The following GSK3B variants were observed in gnomAD, a reference collection of about 807,000 sequenced individuals.
The protein encoded by GSK3B is glycogen synthase kinase-3 beta.
In GSK3B, 15 loss-of-function variants were observed where a neutral mutation model predicts 56.4. The ratio of observed to expected loss-of-function variants is 0.27; its 90% CI spans 0.18 to 0.41. The LOEUF (loss-of-function observed/expected upper bound fraction) is 0.41, where lower values mean the gene tolerates loss of function less well. Ranked by LOEUF, GSK3B falls within the 10% of genes least tolerant of loss-of-function variation. The pLI is 1.00. For synonymous variants in GSK3B, 181 were observed against 188.9 expected (o/e 0.96, Z 0.34); for missense variants, 300 against 513.4 (o/e 0.58, Z 4.02).
At chr3:119,901,610 T>C (rs1243490467) in intron 7 of GSK3B, among the ~76,000 whole-genome samples, 1 of 152,180 alleles carries the variant, frequency 6.6e-6, no homozygotes, top group Non-Finnish European at 1.5e-5. Context: ...GGCATGGACA[T>C]CTGAGTCAAT....
chr3:120,087,919 G>GTCTC lies in GSK3B; in HGVS notation c.88+5424_88+5427dup, dbSNP rs1159612747. Among the ~76,000 whole-genome samples, 4 of 151,894 alleles carry GTCTC rather than the reference G, an allele frequency of 2.6e-5. No individual in the cohort carries two copies. The South Asian group carries it at 8.3e-4, about 31-fold the overall frequency. On this transcript the variant is annotated intron_variant, in intron 1 of 10. Transcript: ENST00000264235. The stretch of plus-strand genomic sequence containing the variant: ...TGTTTTGTTTTTTTTTTGAGACAGA[G>GTCTC]TCTCTCTCTGTCGCCCAGGCTGGAG...
intron 2 of GSK3B, among the ~76,000 whole-genome samples, chr3:119,954,197 C>G (rs1192907774): frequency 6.6e-6 from 1 of 150,526 alleles, no homozygotes. Context: ...ACCAGCCAAT[C>G]AGCACTGAGA....
At chr3:119,917,440 A>C (rs1279633351) in intron 4 of GSK3B, among the ~76,000 whole-genome samples, 1 of 152,168 alleles carries the variant, frequency 6.6e-6, no homozygotes, top group Non-Finnish European at 1.5e-5. Flanking sequence ...GTATCCATGT[A>C]ACATTTTTTA....
intron 9 of GSK3B, among the ~76,000 whole-genome samples, chr3:119,855,735 A>C (rs1213070983): frequency 6.6e-6 from 1 of 152,178 alleles, no homozygotes; most frequent in East Asian, 1.9e-4. Flanking sequence ...AAGGACAGAA[A>C]ACCAAACACT....
chr3:119,837,953 T>C (rs2055716653), intron 10 of GSK3B, among the ~76,000 whole-genome samples: 1 of 146,392 alleles, frequency 6.8e-6, no homozygotes, highest in Admixed American at 6.9e-5. Context: ...CATATATATA[T>C]ATATATATAT....
chr3:120,068,364 C>A (rs1365713488), intron 1 of GSK3B, among the ~76,000 whole-genome samples: 1 of 136,070 alleles, frequency 7.3e-6, no homozygotes, highest in East Asian at 2.2e-4. Context: ...GCACTCCAGC[C>A]TGGGCAACAG....
chr3:120,046,603 A>T (rs985375635), intron 1 of GSK3B, among the ~76,000 whole-genome samples: 8 of 152,008 alleles, frequency 5.3e-5, no homozygotes, highest in Admixed American at 2.6e-4. Context: ...ATTTTAATTT[A>T]ATTTTATTTA....
Position 119,872,069 on chromosome 3 carries a change from G to A in GSK3B, c.909+4344C>T, listed in dbSNP as rs903876956. On this transcript the variant is annotated intron_variant, in intron 8 of 10. Coordinates refer to ENST00000264235, the MANE Select transcript of GSK3B (RefSeq NM_001146156.2). ...AACAAGGTAGCAGGATCAGGCACTC[G>A]AAAGTGGGCGGGAAGGCACCTCATA... is the stretch of plus-strand genomic sequence containing the variant. Among the ~76,000 whole-genome samples the A allele has an allele frequency of 5.9e-5, 9 of 152,054 alleles. No individual in the cohort carries two copies. In the South Asian group the frequency reaches 8.3e-4, roughly 14 times the overall value.
At chr3:119,853,913 C>G (rs1403940395) in intron 9 of GSK3B, among the ~76,000 whole-genome samples, 1 of 152,118 alleles carries the variant, frequency 6.6e-6, no homozygotes, top group East Asian at 1.9e-4. Context: ...TCCTTTATTT[C>G]TTTCTCCTGC....
chr3:119,998,830 A>T (rs1173775918), intron 2 of GSK3B, among the ~76,000 whole-genome samples: 3 of 152,178 alleles, frequency 2.0e-5, no homozygotes, highest in Admixed American at 2.0e-4. Context: ...ATATAAAAAT[A>T]ATTTTTCACC....
In GSK3B at chr3:119,962,072, G is replaced by A. The variant is rs147481095; in HGVS notation, c.283-14721C>T. Among the ~76,000 whole-genome samples the A allele has an allele frequency of 1.8e-3, 271 of 152,258 alleles. 4 individuals are homozygous for A. The highest frequency in any genetic ancestry group is 6.6e-4 in the Non-Finnish European group (45 of 68,000). ...AACTTCATTTTAGGTCATGGAGCAT[G>A]TGTATATGAAAAGCCCATAACTGCT... On this transcript the variant is annotated intron_variant, in intron 2 of 10. Transcript: ENST00000264235.
intron 1 of GSK3B, among the ~76,000 whole-genome samples, chr3:120,031,555 A>G (rs1426119877): frequency 1.3e-5 from 2 of 152,184 alleles, no homozygotes; most frequent in Non-Finnish European, 2.9e-5. Context: ...TCACGTATTC[A>G]ACAAGGAAGT....
intron 7 of GSK3B, among the ~76,000 whole-genome samples, chr3:119,899,750 T>G (rs1019108602): frequency 6.6e-6 from 1 of 152,154 alleles, no homozygotes; most frequent in African/African-American, 2.4e-5. Context: ...TAAAAAGATA[T>G]GATTTCTTAG....
chr3:120,029,418 T>C (rs1051439812), intron 1 of GSK3B: 17 of 743,614 alleles, frequency 2.3e-5, no homozygotes, highest in Non-Finnish European at 4.0e-5. Context: ...AAATATCTTA[T>C]GTTTTGTGGA....
chr3:119,827,101 C>G (rs2055522851), intron 10 of GSK3B, among the ~76,000 whole-genome samples: 1 of 152,130 alleles, frequency 6.6e-6, no homozygotes, highest in Non-Finnish European at 1.5e-5. Flanking sequence ...ACTCAGGGAG[C>G]CAGAGACCAT....
intron 9 of GSK3B, among the ~76,000 whole-genome samples, chr3:119,861,577 C>T (rs2056103692): frequency 6.6e-6 from 1 of 151,682 alleles, no homozygotes; most frequent in Admixed American, 6.6e-5. Context: ...ACAAAAAAAC[C>T]CCACCTCTTC....
chr3:119,892,270 C>G (rs1408104634), intron 7 of GSK3B, among the ~76,000 whole-genome samples: 3 of 151,982 alleles, frequency 2.0e-5, no homozygotes, highest in Non-Finnish European at 2.9e-5. Context: ...TGGCCACTGT[C>G]AACAGCTCCA....
At chr3:119,884,763 C>T (rs750882873) in intron 7 of GSK3B, among the ~76,000 whole-genome samples, 6 of 151,952 alleles carry the variant, frequency 3.9e-5, no homozygotes, top group African/African-American at 7.3e-5. Context: ...TGTAAGATCA[C>T]GAGGTTATAA....
At chr3:119,967,506 T>G (rs992712168) in intron 2 of GSK3B, among the ~76,000 whole-genome samples, 16 of 152,304 alleles carry the variant, frequency 1.1e-4, no homozygotes, top group African/African-American at 3.6e-4. Flanking sequence ...CATATCTTTT[T>G]ACAAAGACAA....
Sources: allele counts gnomAD v4.1 joint callset (sites outside exome capture counted in the v4.1 genomes callset), GRCh38; gene constraint gnomAD v4.1.1; transcripts MANE v1.5; gene names NCBI Gene and HGNC (gene_info 2026-07-23, HGNC 2026-07-21).